The following CEP120 variants were observed in gnomAD, a reference collection of about 807,000 sequenced individuals.
The protein encoded by CEP120 is centrosomal protein 120.
A neutral mutation model predicts 126.5 loss-of-function variants in CEP120; 113 were observed. The observed-to-expected ratio is 0.89, with a 90% confidence interval of 0.77 to 1.04. The LOEUF (loss-of-function observed/expected upper bound fraction) is 1.04, where lower values mean the gene tolerates loss of function less well. CEP120 is among the 50% of genes least tolerant of loss of function. The pLI, the probability that CEP120 is intolerant of heterozygous loss-of-function variation, is 0.00. For synonymous variants in CEP120, 400 were observed against 394.3 expected, an observed-to-expected ratio of 1.01 and a Z score of -0.17; for missense variants, 1,230 against 1,155.7, an observed-to-expected ratio of 1.06 and a Z score of -0.93.
chr5:123,398,533 C>G (rs1772957165), intron 5 of CEP120, among the ~76,000 whole-genome samples: 1 of 152,156 alleles, frequency 6.6e-6, no homozygotes, highest in South Asian at 2.1e-4. Flanking sequence ...TGTGATAAAA[C>G]CCACTATGTG....
intron 16 of CEP120, among the ~76,000 whole-genome samples, chr5:123,377,092 C>G (rs1771282162): frequency 6.6e-6 from 1 of 152,068 alleles, no homozygotes; most frequent in Non-Finnish European, 1.5e-5. Flanking sequence ...TGGTCCTTAA[C>G]TGAATTTGGT....
In CEP120 at chr5:123,386,582, G is replaced by C. The variant is rs1168522207; in HGVS notation, c.1516C>G (p.Pro506Ala). ...AAATCAAATGCACAGTAAGACTGGG[G>C]AAGAAAAACTTCCATGTTTTTCCGA... Reference protein sequence around the residue: ...EVRKNMEVFLPQSYCAFDFAT... With the variant: ...EVRKNMEVFLAQSYCAFDFAT... Residue 506 changes from proline (P) to alanine (A), a missense_variant, in exon 10 of 20, where the codon CCC becomes GCC. Coordinates refer to ENST00000306467, the MANE Select transcript of CEP120 (RefSeq NM_001375405.1). 20 of 1,588,974 alleles carry C rather than the reference G, an allele frequency of 1.3e-5. No individual in the cohort carries two copies. The highest frequency in any genetic ancestry group is 1.7e-5 in the Non-Finnish European group (20 of 1,168,882).
chr5:123,376,869 G>A (rs10519724), intron 16 of CEP120, among the ~76,000 whole-genome samples: 8,194 of 152,148 alleles, frequency 0.054, 305 homozygotes, highest in South Asian at 0.1. Context: ...AGTCCAACAT[G>A]TAACGGCTAA....
chr5:123,421,440 G>A (rs1774705948), intron 1 of CEP120, among the ~76,000 whole-genome samples: 1 of 152,094 alleles, frequency 6.6e-6, no homozygotes, highest in South Asian at 2.1e-4. Context: ...AGCACTAACA[G>A]GCCTCTCTCA....
chr5:123,412,225 G>T (rs975098380), intron 4 of CEP120, among the ~76,000 whole-genome samples, 174 bp downstream of exon 4: 1 of 152,140 alleles, frequency 6.6e-6, no homozygotes, highest in Non-Finnish European at 1.5e-5. Context: ...CTATTTCTAA[G>T]ATTTGCAAAC....
At chr5:123,382,270 T>C (rs1771699100) in intron 13 of CEP120, 70 bp from the exon 14 acceptor site, 1 of 835,052 alleles carries the variant, frequency 1.2e-6, no homozygotes, top group Admixed American at 2.2e-5. Flanking sequence ...CAGTTGTCAG[T>C]TAAATAACCG....
At chr5:123,404,911 T>C (rs1773539608) in intron 4 of CEP120, among the ~76,000 whole-genome samples, 1 of 152,168 alleles carries the variant, frequency 6.6e-6, no homozygotes, top group Non-Finnish European at 1.5e-5. Flanking sequence ...AATCACAAAA[T>C]ATTATAGTAG....
At chr5:123,406,184 A>C (rs1264616980) in intron 4 of CEP120, among the ~76,000 whole-genome samples, 1 of 151,664 alleles carries the variant, frequency 6.6e-6, no homozygotes, top group Non-Finnish European at 1.5e-5. Context: ...GGGGGAAAAA[A>C]AAAACCACAG....
At chr5:123,377,323 C>T (rs767554175) in intron 16 of CEP120, 51 bp downstream of exon 16, 2 of 1,549,164 alleles carry the variant, frequency 1.3e-6, no homozygotes, top group African/African-American at 1.4e-5. Flanking sequence ...TCTCTTATTA[C>T]TAGAATGCAA....
intron 9 of CEP120, 80 bp from the exon 10 acceptor site, chr5:123,386,747 A>G (rs1772057036): frequency 5.5e-6 from 6 of 1,092,880 alleles, no homozygotes; most frequent in Non-Finnish European, 6.1e-6. Context: ...TTTTTAGAAA[A>G]AAGTATAATA....
chr5:123,368,720 T>G (rs561401814), intron 17 of CEP120, among the ~76,000 whole-genome samples: 49 of 151,988 alleles, frequency 3.2e-4, no homozygotes, highest in African/African-American at 1.2e-3. Context: ...TGGACACTAT[T>G]TCCATAATAT....
In CEP120 at chr5:123,386,676, T is replaced by TA. The variant is rs75744800; in HGVS notation, c.1431-10dup. 0.053 allele frequency: 32,006 copies of TA among 600,842 alleles called. 96 individuals are homozygous for TA. The highest frequency in any genetic ancestry group is 0.062 in the African/African-American group (2,231 of 36,144). The allele number at this position is 600,842 out of a possible 1,614,324, so 37.2% of individuals were successfully genotyped here. A position where few individuals can be genotyped will look rare whatever the true frequency, so the allele number is the denominator to read the frequency against. On this transcript the variant is annotated splice_polypyrimidine_tract_variant and intron_variant, in intron 9 of 19. Coordinates refer to ENST00000306467, the MANE Select transcript of CEP120 (RefSeq NM_001375405.1). ...AGAATGGATATGAGTACCTAGAATT[T>TA]AAAAAAAAAAAAAAAAAAAAAAGCC...
chr5:123,370,056 G>T (rs546320938), intron 17 of CEP120, among the ~76,000 whole-genome samples: 2 of 152,050 alleles, frequency 1.3e-5, no homozygotes, highest in Admixed American at 1.3e-4. Context: ...ACATGGTGTT[G>T]GTTCATCATC....
At chr5:123,373,026 A>G (rs1382058329) in intron 16 of CEP120, among the ~76,000 whole-genome samples, 1 of 152,098 alleles carries the variant, frequency 6.6e-6, no homozygotes, top group Non-Finnish European at 1.5e-5. Flanking sequence ...GTTTTTGGTA[A>G]AACTCAAATG....
intron 16 of CEP120, among the ~76,000 whole-genome samples, chr5:123,374,188 T>A (rs1771046809): frequency 6.6e-6 from 1 of 152,056 alleles, no homozygotes. Context: ...ATTATTTGGT[T>A]CAATTCCTTC....
At chr5:123,393,275 A>G in intron 6 of CEP120, 25 bp downstream of exon 6, 1 of 1,610,612 alleles carries the variant, frequency 6.2e-7, no homozygotes, top group Non-Finnish European at 8.5e-7. Context: ...ACCTCCAGCT[A>G]AAAACGATTT....
At chr5:123,390,398 A>T in intron 7 of CEP120, 1 of 542,558 alleles carries the variant, frequency 1.8e-6, no homozygotes, top group Non-Finnish European at 3.5e-6. Context: ...TGAGAAAAGA[A>T]GTCAGGCATA....
intron 3 of CEP120, among the ~76,000 whole-genome samples, chr5:123,414,693 G>GC (rs1224699231): frequency 6.6e-6 from 1 of 152,108 alleles, no homozygotes; most frequent in African/African-American, 2.4e-5. Flanking sequence ...GCGGCCGGGC[G>GC]CGGTGGCTCA....
chr5:123,372,227 T>G (rs1253995377), intron 17 of CEP120, among the ~76,000 whole-genome samples: 1 of 152,032 alleles, frequency 6.6e-6, no homozygotes, highest in Non-Finnish European at 1.5e-5. Flanking sequence ...CACAGAACAG[T>G]TCAACAGCAT....
Sources: gnomAD v4.1 joint callset for allele counts (sites outside exome capture counted in the v4.1 genomes callset) on GRCh38, gnomAD v4.1.1 for gene constraint, MANE v1.5 for transcripts, NCBI Gene and HGNC (gene_info 2026-07-23, HGNC 2026-07-21) for gene names.